Variants in NXPH1 observed in about 807,000 individuals in gnomAD.
NXPH1 encodes the protein neurexophilin-1.
NXPH1 carries 5 observed loss-of-function variants against 23.7 expected under a neutral mutation model. The ratio of observed to expected loss-of-function variants is 0.21; its 90% CI spans 0.11 to 0.44. The LOEUF (loss-of-function observed/expected upper bound fraction) is 0.44. Ranked by LOEUF, NXPH1 falls within the 20% of genes least tolerant of loss-of-function variation. The pLI, the probability that NXPH1 is intolerant of heterozygous loss-of-function variation, is 0.99. For missense variants in NXPH1, 324 were observed against 321.6 expected (o/e 1.01, Z -0.06); for synonymous variants, 144 against 122.2 (o/e 1.18, Z -1.18).
chr7:8,494,035 T>C (rs1414357138), intron 2 of NXPH1, among the ~76,000 whole-genome samples: 1 of 152,034 alleles, frequency 6.6e-6, no homozygotes, highest in Non-Finnish European at 1.5e-5. Context: ...GAAAAGTTCT[T>C]TCTTATGTAT....
intron 2 of NXPH1, among the ~76,000 whole-genome samples, chr7:8,519,417 A>G (rs934417713): frequency 6.6e-6 from 1 of 152,180 alleles, no homozygotes; most frequent in Non-Finnish European, 1.5e-5. Context: ...GATTTAGTAA[A>G]ATTTCCTACA....
chr7:8,527,864 A>G (rs1411312514), intron 2 of NXPH1, among the ~76,000 whole-genome samples: 1 of 152,240 alleles, frequency 6.6e-6, no homozygotes, highest in Non-Finnish European at 1.5e-5. Context: ...TGGGAAAAGA[A>G]GGAACATGGG....
intron 2 of NXPH1, among the ~76,000 whole-genome samples, chr7:8,645,204 T>A (rs925687292): frequency 6.6e-5 from 10 of 152,144 alleles, no homozygotes; most frequent in Non-Finnish European, 1.5e-4. Flanking sequence ...AATGATTGAG[T>A]CATGAACTAT....
chr7:8,535,146 TAGAC>T (rs777347144), intron 2 of NXPH1, among the ~76,000 whole-genome samples: 7 of 152,068 alleles, frequency 4.6e-5, no homozygotes, highest in African/African-American at 1.4e-4. Context: ...AGTTAAAATA[TAGAC>T]AGACAGACAT....
intron 2 of NXPH1, among the ~76,000 whole-genome samples, chr7:8,735,929 G>A (rs946175151): frequency 6.6e-6 from 1 of 152,260 alleles, no homozygotes. Context: ...GCATAGAGTT[G>A]TTTATAGTAT....
At chr7:8,737,903 C>A (rs968016927) in intron 2 of NXPH1, among the ~76,000 whole-genome samples, 1 of 152,098 alleles carries the variant, frequency 6.6e-6, no homozygotes, top group Admixed American at 6.5e-5. Flanking sequence ...CTCTGATATC[C>A]TTTCTTCCAC....
intron 2 of NXPH1, among the ~76,000 whole-genome samples, chr7:8,467,073 ACACT>A: frequency 1.3e-5 from 2 of 152,308 alleles, no homozygotes; most frequent in African/African-American, 4.8e-5. Flanking sequence ...TAGCACACTG[ACACT>A]CAGTGTTCAG....
chr7:8,708,160 C>G (rs1449978579), intron 2 of NXPH1, among the ~76,000 whole-genome samples: 1 of 152,072 alleles, frequency 6.6e-6, no homozygotes, highest in Non-Finnish European at 1.5e-5. Flanking sequence ...ATAAAGAATT[C>G]TTAATTCTTT....
intron 2 of NXPH1, among the ~76,000 whole-genome samples, chr7:8,506,072 T>C (rs1817517342): frequency 6.6e-6 from 1 of 152,088 alleles, no homozygotes. Context: ...TGAGTTGAAC[T>C]CCAAAATATC....
intron 2 of NXPH1, among the ~76,000 whole-genome samples, chr7:8,735,186 G>C (rs1168428852): frequency 1.3e-5 from 2 of 152,162 alleles, no homozygotes; most frequent in Non-Finnish European, 2.9e-5. Flanking sequence ...ATGTTGAATA[G>C]GAGTGGTGAG....
At chr7:8,486,910 C>A (rs933313880) in intron 2 of NXPH1, among the ~76,000 whole-genome samples, 1 of 151,990 alleles carries the variant, frequency 6.6e-6, no homozygotes, top group Non-Finnish European at 1.5e-5. Context: ...AAATTACAGG[C>A]CCTTTATTAT....
Position 8,515,767 on chromosome 7 carries a change from G to A in NXPH1, c.54+80000G>A, listed in dbSNP as rs190300786. On this transcript the variant is annotated intron_variant, in intron 2 of 2. Coordinates refer to ENST00000405863, the MANE Select transcript of NXPH1 (RefSeq NM_152745.3). ...CATTCAACAATTGGTAGGCCTGAGCGTTTTAATCACGTCTGTAAACTCACA... is the reference window on the plus strand; with the variant it reads ...CATTCAACAATTGGTAGGCCTGAGCATTTTAATCACGTCTGTAAACTCACA... Among the ~76,000 whole-genome samples the A allele has an allele frequency of 2.0e-4, 30 of 152,238 alleles. No homozygotes were observed. In the South Asian group the frequency reaches 2.9e-3, roughly 15 times the overall value.
At chr7:8,511,161 A>G (rs181689485) in intron 2 of NXPH1, among the ~76,000 whole-genome samples, 58 of 152,286 alleles carry the variant, frequency 3.8e-4, no homozygotes, top group Non-Finnish European at 6.8e-4. Context: ...TGCATTATGT[A>G]TAGCATTAAA....
intron 2 of NXPH1, among the ~76,000 whole-genome samples, chr7:8,683,698 G>A (rs2115178770): frequency 6.6e-6 from 1 of 151,854 alleles, no homozygotes; most frequent in East Asian, 1.9e-4. Context: ...CATTTTTTTG[G>A]CATTAACTAC....
intron 2 of NXPH1, among the ~76,000 whole-genome samples, chr7:8,743,392 T>C (rs1426170936): frequency 8.7e-6 from 1 of 115,064 alleles, no homozygotes; most frequent in Non-Finnish European, 2.0e-5. Flanking sequence ...ATTGTATATA[T>C]AAAAGAGATA....
intron 2 of NXPH1, among the ~76,000 whole-genome samples, chr7:8,707,537 T>C (rs1779723428): frequency 6.6e-6 from 1 of 152,188 alleles, no homozygotes; most frequent in South Asian, 2.1e-4. Context: ...GAATGGAATA[T>C]GGTGCTTTCC....
At chr7:8,655,400 T>TC (rs1820559057) in intron 2 of NXPH1, among the ~76,000 whole-genome samples, 1 of 42,868 alleles carries the variant, frequency 2.3e-5, no homozygotes, top group Admixed American at 3.2e-4. Flanking sequence ...GTCTTTGTCT[T>TC]TCTCTCTCTC....
intron 2 of NXPH1, among the ~76,000 whole-genome samples, chr7:8,473,279 A>G (rs1005453985): frequency 6.6e-6 from 1 of 152,164 alleles, no homozygotes; most frequent in African/African-American, 2.4e-5. Context: ...TGACAAAAGC[A>G]GGCTGTATTA....
chr7:8,656,416 T>C (rs557832757), intron 2 of NXPH1, among the ~76,000 whole-genome samples: 1 of 152,292 alleles, frequency 6.6e-6, no homozygotes, highest in Non-Finnish European at 1.5e-5. Context: ...GAGCAAGGTG[T>C]TGTTATCCCC....
Sources: allele counts gnomAD v4.1 joint callset (sites outside exome capture counted in the v4.1 genomes callset), GRCh38; gene constraint gnomAD v4.1.1; transcripts MANE v1.5; gene names NCBI Gene and HGNC (gene_info 2026-07-23, HGNC 2026-07-21).